The following NOL11 variants were observed in gnomAD, a reference collection of about 807,000 sequenced individuals.
The protein encoded by NOL11 is nucleolar protein 11.
Under a neutral mutation model 93.0 loss-of-function variants are expected in NOL11, and 42 were observed. That is an observed-to-expected ratio of 0.45 (90% CI 0.35 to 0.58). The LOEUF is 0.58. Ranked by LOEUF, NOL11 falls within the 20% of genes least tolerant of loss-of-function variation. The pLI is 0.00. For missense variants in NOL11, 775 were observed against 841.8 expected (o/e 0.92, Z 0.98); for synonymous variants, 296 against 293.7 (o/e 1.01, Z -0.08).
At chr17:67,735,074 A>C (rs533866623) in intron 8 of NOL11, among the ~76,000 whole-genome samples, 3 of 152,264 alleles carry the variant, frequency 2.0e-5, no homozygotes, top group African/African-American at 7.2e-5. Context: ...TTATGTGTTA[A>C]ATGTTAAATG....
intron 6 of NOL11, among the ~76,000 whole-genome samples, chr17:67,725,419 G>A (rs917276473): frequency 6.6e-6 from 1 of 152,112 alleles, no homozygotes; most frequent in Non-Finnish European, 1.5e-5. Context: ...AGTCTTTGTG[G>A]TACCCTCTCC....
intron 7 of NOL11, among the ~76,000 whole-genome samples, chr17:67,732,001 C>T (rs1396283183): frequency 6.6e-6 from 1 of 152,030 alleles, no homozygotes; most frequent in Non-Finnish European, 1.5e-5. Flanking sequence ...TCCATTTCTG[C>T]AAAAAAGACC....
chr17:67,735,826 G>A, intron 8 of NOL11, 74 bp from the exon 9 acceptor site: 5 of 1,225,648 alleles, frequency 4.1e-6, no homozygotes, highest in Non-Finnish European at 4.6e-6. Flanking sequence ...TATACAGTGA[G>A]TGATAAGGCT....
intron 9 of NOL11, 102 bp from the exon 10 acceptor site, chr17:67,736,562 CTT>C (rs2055203913): frequency 1.4e-6 from 1 of 701,552 alleles, no homozygotes; most frequent in Admixed American, 2.8e-5. Flanking sequence ...CAAAGCCTCT[CTT>C]AAATTGTATG....
Position 67,721,397 on chromosome 17 carries a change from G to C in NOL11, c.332G>C (p.Arg111Thr), listed in dbSNP as rs751051311. Residue 111 changes from arginine to threonine, a missense_variant, in exon 4 of 18, where the codon AGG becomes ACG. Arg to Thr is a moderately conservative substitution (Grantham distance 71, BLOSUM62 -1). Around this residue, in one of 2 missense-constraint regions of NOL11, gnomAD observed 359 missense variants for 316.5 expected, o/e 1.13. Coordinates refer to ENST00000253247, the MANE Select transcript of NOL11 (RefSeq NM_015462.5). Reference sequence around the variant, plus strand: ...TTCCAGTTGTCAGCAGAAGTATATAGGATACTTTCAGTGCAAGGGACAGAA... The same window carrying C: ...TTCCAGTTGTCAGCAGAAGTATATACGATACTTTCAGTGCAAGGGACAGAA... ...FKATLSAEVY[R>T]ILSVQGTEPL... The C allele has an allele frequency of 6.2e-7, 1 of 1,601,162 alleles. No individual in the cohort carries two copies. Among genetic ancestry groups the C allele is most frequent in the Admixed American group, 1.8e-5 (1 of 56,232 alleles).
chr17:67,738,792 G>C (rs2055227669), intron 14 of NOL11, 140 bp from the exon 15 acceptor site: 3 of 599,860 alleles, frequency 5.0e-6, no homozygotes. Context: ...ATGATTAGGA[G>C]AGTGTTTGGT....
intron 16 of NOL11, 147 bp downstream of exon 16, chr17:67,739,755 T>G: frequency 1.7e-6 from 1 of 590,278 alleles, no homozygotes. Flanking sequence ...CCACTGCAGC[T>G]AGAAATGGGG....
At chr17:67,731,064 G>C (rs2055150124) in intron 7 of NOL11, among the ~76,000 whole-genome samples, 1 of 152,124 alleles carries the variant, frequency 6.6e-6, no homozygotes, top group Non-Finnish European at 1.5e-5. Context: ...CTATTTATAT[G>C]TCTTCTTTGG....
intron 7 of NOL11, among the ~76,000 whole-genome samples, chr17:67,730,535 C>T (rs1418352379): frequency 6.6e-6 from 1 of 152,230 alleles, no homozygotes. Context: ...GCTGGGATTA[C>T]AGGCGTGAGC....
At chr17:67,738,701 T>A in intron 14 of NOL11, 1 of 464,362 alleles carries the variant, frequency 2.2e-6, no homozygotes, top group Non-Finnish European at 3.8e-6. Flanking sequence ...AAGAAGAAGC[T>A]ATACTAACAC....
intron 7 of NOL11, among the ~76,000 whole-genome samples, chr17:67,733,358 CTG>C (rs1228998639): frequency 6.6e-6 from 1 of 152,170 alleles, no homozygotes; most frequent in East Asian, 1.9e-4. Flanking sequence ...GAGTAAGACT[CTG>C]TCTCAAAACA....
rs375959295 is a variant in NOL11 at position 67,737,977 on chromosome 17, G to A, written c.1529+5G>A. The A allele has an allele frequency of 5.6e-6, 9 of 1,601,794 alleles. No homozygotes were observed. Among genetic ancestry groups the A allele is most frequent in the Non-Finnish European group, 7.6e-6 (9 of 1,176,758 alleles). On this transcript the variant is annotated splice_donor_5th_base_variant and intron_variant, in intron 13 of 17. Coordinates refer to ENST00000253247, the MANE Select transcript of NOL11 (RefSeq NM_015462.5). Reference sequence around the variant, plus strand: ...TTGCTTAAAAATTTTCTTGAGGTAAGTTAGACTCCAATGGTCCTTTTTCTT... The same window carrying A: ...TTGCTTAAAAATTTTCTTGAGGTAAATTAGACTCCAATGGTCCTTTTTCTT...
intron 3 of NOL11, among the ~76,000 whole-genome samples, 185 bp from the exon 4 acceptor site, chr17:67,721,193 A>G (rs62086201): frequency 2.6e-5 from 4 of 152,238 alleles, no homozygotes; most frequent in Non-Finnish European, 5.9e-5. Flanking sequence ...GATAAGAGAA[A>G]AAGTTAAGAC....
intron 7 of NOL11, among the ~76,000 whole-genome samples, chr17:67,732,666 C>G (rs970576631): frequency 6.6e-6 from 1 of 151,340 alleles, no homozygotes; most frequent in Non-Finnish European, 1.5e-5. Context: ...CTCTGCCTCC[C>G]GCGTTCAAGC....
At chr17:67,723,005 CTTTTTTTTTTT>C (rs61233443) in intron 5 of NOL11, among the ~76,000 whole-genome samples, 2 of 124,594 alleles carry the variant, frequency 1.6e-5, no homozygotes, top group Admixed American at 8.3e-5. Flanking sequence ...AATTTCAAAA[CTTTTTTTTTTT>C]TTTTTTTTTT....
chr17:67,727,963 A>T (rs947603497), intron 7 of NOL11, among the ~76,000 whole-genome samples: 3 of 150,284 alleles, frequency 2.0e-5, no homozygotes, highest in African/African-American at 7.3e-5. Flanking sequence ...GTTATAGTAT[A>T]ACTATACCAT....
At chr17:67,737,292 G>T (rs764304065) in intron 11 of NOL11, 147 bp downstream of exon 11, 7 of 686,390 alleles carry the variant, frequency 1.0e-5, no homozygotes, top group Non-Finnish European at 1.7e-5. Context: ...GAGTTGATCC[G>T]ATATTTTGGC....
rs374592574 is a variant in NOL11 at position 67,724,097 on chromosome 17, A to G, written c.568A>G (p.Thr190Ala). 7 of 1,583,998 alleles carry G rather than the reference A, an allele frequency of 4.4e-6. No homozygotes were observed. In the African/African-American group the frequency reaches 9.6e-5, roughly 22 times the overall value. ...GCAAATGTTTAACTCACGTATCTTA[A>G]CCAAATATACACTCTTACTTGGACA... is the stretch of plus-strand genomic sequence containing the variant. The part of the protein sequence containing the change: ...YVQMFNSRIL[T>A]KYTLLLGQDE... The change falls in exon 6 of 18, where the codon ACC becomes GCC. Residue 190 changes from threonine (T) to alanine (A), a missense_variant. Coordinates refer to ENST00000253247, the MANE Select transcript of NOL11 (RefSeq NM_015462.5).
rs1481212465 is a variant in NOL11 at position 67,737,991 on chromosome 17, G to A, written c.1529+19G>A. 2.5e-6 allele frequency: 4 copies of A among 1,588,280 alleles called. No homozygotes were observed. The African/African-American group carries it at 4.1e-5, about 16-fold the overall frequency. ...TCTTGAGGTAAGTTAGACTCCAATGGTCCTTTTTCTTCACTACATTTATAA... is the reference window on the plus strand; with the variant it reads ...TCTTGAGGTAAGTTAGACTCCAATGATCCTTTTTCTTCACTACATTTATAA... On this transcript the variant is annotated intron_variant, in intron 13 of 17. Transcript: ENST00000253247.
Sources: gnomAD v4.1 joint callset for allele counts (sites outside exome capture counted in the v4.1 genomes callset) on GRCh38, gnomAD v4.1.1 for gene constraint, gnomAD v4.1.1 regional missense constraint, MANE v1.5 for transcripts, NCBI Gene and HGNC (gene_info 2026-07-23, HGNC 2026-07-21) for gene names.